APLP2: variants seen among roughly 807,000 people sequenced by gnomAD.
APLP2 encodes CDEI box-binding protein.
APLP2 carries 53 observed loss-of-function variants against 89.9 expected under a neutral mutation model. The ratio of observed to expected loss-of-function variants is 0.59; its 90% confidence interval spans 0.47 to 0.74. The LOEUF (loss-of-function observed/expected upper bound fraction) is 0.74, where lower values mean the gene tolerates loss of function less well. APLP2 is among the 30% of genes least tolerant of loss of function. APLP2 has a pLI of 0.00. For synonymous variants in APLP2, 372 were observed against 348.6 expected (o/e 1.07, Z -0.75); for missense variants, 973 against 975.9 (o/e 1.00, Z 0.04).
rs1947351849 is a variant in APLP2 at position 130,104,262 on chromosome 11, G to T, written c.106-5167G>T. ...ACAGATTCTCTGTCTCTGTTGCCCA[G>T]TCTGGAGTGCAGTGGCGCAATCTCG... On this transcript the variant is annotated intron_variant, in intron 1 of 16. Transcript: ENST00000338167. Among the ~76,000 whole-genome samples, 3 of 121,438 alleles carry T rather than the reference G, an allele frequency of 2.5e-5. No individual in the cohort carries two copies. The South Asian group carries it at 7.8e-4, about 32-fold the overall frequency. The allele number at this position is 121,438 out of a possible 152,430, so 79.7% of individuals were successfully genotyped here.
chr11:130,134,253 G>A (rs1951273973), intron 12 of APLP2, among the ~76,000 whole-genome samples: 2 of 152,202 alleles, frequency 1.3e-5, no homozygotes, highest in African/African-American at 4.8e-5. Context: ...GCTGGTGATA[G>A]GTGCTGTGCA....
rs760923130 is a variant in APLP2, at chr11:130,122,402, C to T, written c.811C>T (p.Arg271Ter). The T allele has an allele frequency of 2.5e-6, 4 of 1,614,010 alleles. No homozygotes were observed. Among genetic ancestry groups the T allele is most frequent in the Admixed American group, 1.7e-5 (1 of 60,000 alleles). ...AGAAGGGGAGGAAGTGGTGGAGGAC[C>T]GAGATTACTACTATGACACCTTCAA... ...EEEGEEVVED[R>*]DYYYDTFKGD... Residue 271 changes from arginine to a stop codon, truncating the protein, a stop_gained, in exon 6 of 17, where the codon CGA (arginine) becomes TGA (stop). Transcript: ENST00000338167. LOFTEE classifies it high-confidence loss of function.
chr11:130,141,388 G>T lies in APLP2; in HGVS notation c.1924-110G>T. On this transcript the variant is annotated intron_variant, in intron 14 of 16. Transcript: ENST00000338167. This position sits in a 1 kb window ranked among gnomAD's most constrained non-coding sequence, Gnocchi z 4.2. Reference sequence around the variant, plus strand: ...CTGGTTGGTTAATGGGGGTCCCACAGGTACCTGCTTCCTTCCATCAAGCAG... The same window carrying T: ...CTGGTTGGTTAATGGGGGTCCCACATGTACCTGCTTCCTTCCATCAAGCAG... 1 of 881,594 alleles carries T rather than the reference G, an allele frequency of 1.1e-6. No individual in the cohort carries two copies. Among genetic ancestry groups the T allele is most frequent in the South Asian group, 1.5e-5 (1 of 65,124 alleles). The allele number at this position is 881,594 out of a possible 1,614,324, so 54.6% of individuals were successfully genotyped here.
rs867975357 is a variant in APLP2, at chr11:130,070,069, C to G, written c.92C>G (p.Ala31Gly). ...VGLTAPALAL[A>G]GYIEALAANA... ...CTCACGGCGCCTGCCTTGGCGCTGGCCGGCTACATCGAGGTGGGGACCGGG... is the reference window on the plus strand; with the variant it reads ...CTCACGGCGCCTGCCTTGGCGCTGGGCGGCTACATCGAGGTGGGGACCGGG... Residue 31 changes from alanine to glycine, a missense_variant, in exon 1 of 17, where the codon GCC becomes GGC. Ala to Gly is a moderately conservative substitution (Grantham distance 60, BLOSUM62 0). Coordinates refer to ENST00000338167, the MANE Select transcript of APLP2 (RefSeq NM_001142276.2). 1 of 1,479,834 alleles carries G rather than the reference C, an allele frequency of 6.8e-7. No homozygotes were observed. Among genetic ancestry groups the G allele is most frequent in the Non-Finnish European group, 8.9e-7 (1 of 1,123,472 alleles). 91.7% of individuals were successfully genotyped at this position (1,479,834 alleles called of 1,614,324 possible).
intron 1 of APLP2, among the ~76,000 whole-genome samples, chr11:130,074,390 A>G (rs1222716156): frequency 1.3e-5 from 2 of 151,952 alleles, no homozygotes; most frequent in Non-Finnish European, 2.9e-5. Context: ...TCATTTTTAT[A>G]TTTTTAGTAG....
chr11:130,070,368 G>C lies in APLP2; in HGVS notation c.105+286G>C, dbSNP rs1940708840. ...ACCCAGCCCCCAACCCGCCCGCGGC[G>C]CCGCCACCTCCTCCGGGGACCCAGT... On this transcript the variant is annotated intron_variant, in intron 1 of 16. Coordinates refer to ENST00000338167, the MANE Select transcript of APLP2 (RefSeq NM_001142276.2). 4.6e-5 allele frequency among the ~76,000 whole-genome samples: 7 copies of C among 150,988 alleles called. No homozygotes were observed. The South Asian group carries it at 1.5e-3, about 31-fold the overall frequency.
intron 1 of APLP2, among the ~76,000 whole-genome samples, chr11:130,095,926 G>A (rs1946137436): frequency 1.3e-5 from 2 of 151,074 alleles, no homozygotes; most frequent in South Asian, 4.1e-4. Flanking sequence ...ACAGTGGTTA[G>A]GAAAATACAT....
intron 1 of APLP2, among the ~76,000 whole-genome samples, chr11:130,106,648 A>G (rs1000483082): frequency 5.3e-5 from 8 of 151,904 alleles, no homozygotes; most frequent in African/African-American, 1.9e-4. Context: ...CACTCTCTTT[A>G]GGAAGCTTCC....
At chr11:130,088,128 T>C (rs1464218526) in intron 1 of APLP2, among the ~76,000 whole-genome samples, 2 of 152,234 alleles carry the variant, frequency 1.3e-5, no homozygotes, top group Admixed American at 6.5e-5. Flanking sequence ...AGGCATATTA[T>C]TGTAACTTGA....
intron 1 of APLP2, among the ~76,000 whole-genome samples, chr11:130,106,846 G>A (rs1947848352): frequency 6.6e-6 from 1 of 152,108 alleles, no homozygotes; most frequent in South Asian, 2.1e-4. Flanking sequence ...CCGCCACCAC[G>A]CCTGGCTAAT....
chr11:130,103,983 A>G (rs1383280666), intron 1 of APLP2, among the ~76,000 whole-genome samples: 2 of 152,182 alleles, frequency 1.3e-5, no homozygotes, highest in Non-Finnish European at 2.9e-5. Flanking sequence ...GGCTTTTCAT[A>G]TACGTATTTA....
At position 130,140,460 on chromosome 11, in the gene APLP2, A is replaced by G. The variant is rs755246250; in HGVS notation, c.1900A>G (p.Lys634Glu). 6.2e-6 allele frequency: 10 copies of G among 1,611,790 alleles called. No homozygotes were observed. The Admixed American group carries it at 1.7e-4, about 27-fold the overall frequency. Reference protein sequence around the residue: ...IGAEEKVINSKNKVDENMVID... With the variant: ...IGAEEKVINSENKVDENMVID... ...TGCCGAAGAGAAAGTGATTAACAGT[A>G]AGAATAAAGTGGATGAAAACATGGT... The change falls in exon 14 of 17, where the codon AAG (lysine) becomes GAG (glutamate). Residue 634 changes from lysine (K) to glutamate (E), a missense_variant. Physicochemically the swap from Lys to Glu is moderately conservative, Grantham distance 56 (BLOSUM62 1). Coordinates refer to ENST00000338167, the MANE Select transcript of APLP2 (RefSeq NM_001142276.2).
At chr11:130,079,079 TTTTTTTTATTTA>T (rs1163325701) in intron 1 of APLP2, among the ~76,000 whole-genome samples, 38 of 101,978 alleles carry the variant, frequency 3.7e-4, no homozygotes, top group Admixed American at 1.2e-3. Context: ...ATGACATGTA[TTTTTTTTATTTA>T]TTTATTTATT....
chr11:130,091,258 C>T (rs1267314103), intron 1 of APLP2, among the ~76,000 whole-genome samples: 3 of 130,648 alleles, frequency 2.3e-5, no homozygotes, highest in South Asian at 2.3e-4. Context: ...GGCGGCTGGC[C>T]GGGCGGGGGG....
At position 130,121,766 on chromosome 11, in the gene APLP2, AGAG is replaced by A. The variant is rs748234634; in HGVS notation, c.672_674del (p.Glu227del). The stretch of plus-strand genomic sequence containing the variant: ...AAGAGGAAGAGGAAGATGAAGAGGA[AGAG>A]GAAGAGGAAGATGAAGAGGAAGACT... On this transcript the variant is annotated inframe_deletion, in exon 5 of 17. Transcript: ENST00000338167. 4 of 1,613,554 alleles carry A rather than the reference AGAG, an allele frequency of 2.5e-6. No homozygotes were observed. The African/African-American group carries it at 5.3e-5, about 22-fold the overall frequency.
intron 3 of APLP2, among the ~76,000 whole-genome samples, chr11:130,119,075 G>T (rs995916491): frequency 6.6e-6 from 1 of 152,190 alleles, no homozygotes; most frequent in Non-Finnish European, 1.5e-5. Flanking sequence ...AGGATCCTGA[G>T]AGACTCATCC....
At chr11:130,113,948 A>G (rs1468329628) in intron 3 of APLP2, among the ~76,000 whole-genome samples, 2 of 152,172 alleles carry the variant, frequency 1.3e-5, no homozygotes, top group African/African-American at 4.8e-5. Flanking sequence ...TACCCCTCAC[A>G]CACATACTCG....
rs536164438 is a variant in APLP2, at chr11:130,095,651, CTG to C, written c.106-13773_106-13772del. ...GCCTTGTACTGTGTGGCTTCTCAAA[CTG>C]TGTGCTTGGAGTCACTTGACAAAAA... On this transcript the variant is annotated intron_variant, in intron 1 of 16. Transcript: ENST00000338167. 2.4e-4 allele frequency among the ~76,000 whole-genome samples: 36 copies of C among 152,358 alleles called. No individual in the cohort carries two copies. In the East Asian group the frequency reaches 4.2e-3, roughly 18 times the overall value.
At chr11:130,109,675 G>A in intron 2 of APLP2, 73 bp downstream of exon 2, 5 of 1,471,276 alleles carry the variant, frequency 3.4e-6, no homozygotes, top group Non-Finnish European at 4.6e-6. Context: ...CTTAGAAATA[G>A]ATATTCTGTC....
Sources: allele counts gnomAD v4.1 joint callset (sites outside exome capture counted in the v4.1 genomes callset), GRCh38; gene constraint gnomAD v4.1.1; non-coding constraint Gnocchi (gnomAD v3.1); transcripts MANE v1.5; gene names NCBI Gene and HGNC (gene_info 2026-07-23, HGNC 2026-07-21).